PHF14: variants seen among roughly 807,000 people sequenced by gnomAD.
PHF14 encodes PHD finger protein 14.
A neutral mutation model predicts 117.9 loss-of-function variants in PHF14; 55 were observed. The observed-to-expected ratio is 0.47, with a 90% confidence interval of 0.38 to 0.58. The LOEUF is 0.58. PHF14 is among the 20% of genes least tolerant of loss of function. PHF14 has a pLI of 0.00. For synonymous variants in PHF14, 409 were observed against 368.6 expected (o/e 1.11, Z -1.26); for missense variants, 978 against 1,122.2 (o/e 0.87, Z 1.84).
intron 17 of PHF14, among the ~76,000 whole-genome samples, chr7:11,167,960 A>G (rs1789251861): frequency 6.6e-6 from 1 of 150,726 alleles, no homozygotes; most frequent in Non-Finnish European, 1.5e-5. Flanking sequence ...TGGGAGGCGG[A>G]GCTTGCAGTG....
At chr7:11,073,239 T>A (rs183304574) in intron 16 of PHF14, among the ~76,000 whole-genome samples, 3,967 of 152,280 alleles carry the variant, frequency 0.026, 133 homozygotes, top group East Asian at 0.1. Context: ...TCCTTCCATC[T>A]ATGAGCCTGT....
intron 11 of PHF14, among the ~76,000 whole-genome samples, chr7:11,039,108 T>G (rs568553743): frequency 6.6e-6 from 1 of 151,404 alleles, no homozygotes; most frequent in South Asian, 2.1e-4. Context: ...CTCTAACTGA[T>G]TGACCTGTCA....
At chr7:11,165,903 C>G (rs1298469456) in intron 17 of PHF14, among the ~76,000 whole-genome samples, 2 of 152,144 alleles carry the variant, frequency 1.3e-5, no homozygotes, top group African/African-American at 4.8e-5. Flanking sequence ...ATAACTCAGT[C>G]TCATATTGCC....
At chr7:11,106,863 T>C (rs1271953769) in intron 16 of PHF14, 1 of 983,512 alleles carries the variant, frequency 1.0e-6, no homozygotes, top group Non-Finnish European at 1.2e-6. Context: ...ATTTTCAGAG[T>C]CCAGTTTTTG....
chr7:11,165,153 G>T (rs1789165647), intron 17 of PHF14, among the ~76,000 whole-genome samples: 1 of 152,154 alleles, frequency 6.6e-6, no homozygotes, highest in Non-Finnish European at 1.5e-5. Flanking sequence ...TCGGTCTCTT[G>T]ACCTTGTGAT....
intron 17 of PHF14, among the ~76,000 whole-genome samples, chr7:11,140,088 C>G (rs1788355274): frequency 6.6e-6 from 1 of 152,090 alleles, no homozygotes; most frequent in Non-Finnish European, 1.5e-5. Context: ...ACATACACCT[C>G]TATACACATT....
chr7:11,016,015 T>C (rs184933498), intron 5 of PHF14, among the ~76,000 whole-genome samples: 6 of 152,292 alleles, frequency 3.9e-5, no homozygotes, highest in African/African-American at 4.8e-5. Context: ...TACTTCATGC[T>C]ATCATAATAG....
chr7:11,148,096 A>G (rs948507730), intron 17 of PHF14, among the ~76,000 whole-genome samples: 4 of 152,280 alleles, frequency 2.6e-5, no homozygotes, highest in African/African-American at 9.6e-5. Context: ...ACTACATTAC[A>G]GTACTCCAAG....
At chr7:11,051,551 C>G (rs896559678) in intron 13 of PHF14, 61 bp from the exon 14 acceptor site, 47 of 1,349,402 alleles carry the variant, frequency 3.5e-5, no homozygotes, top group Middle Eastern at 3.7e-4. Context: ...TTTATAAAAA[C>G]TATAGCTAAA....
chr7:11,166,096 A>G (rs1789195166), intron 17 of PHF14, among the ~76,000 whole-genome samples: 1 of 152,234 alleles, frequency 6.6e-6, no homozygotes. Context: ...GCAGATCTGC[A>G]AAGTTGTTAT....
At chr7:11,155,746 C>T (rs1193128882) in intron 17 of PHF14, among the ~76,000 whole-genome samples, 1 of 151,882 alleles carries the variant, frequency 6.6e-6, no homozygotes, top group African/African-American at 2.4e-5. Flanking sequence ...GGGACAGTGT[C>T]TGTCTTATAT....
chr7:11,031,400 A>G (rs1241280789), intron 7 of PHF14, among the ~76,000 whole-genome samples: 2 of 152,138 alleles, frequency 1.3e-5, no homozygotes, highest in African/African-American at 4.8e-5. Flanking sequence ...TTATGACACA[A>G]CATGCTTTAT....
intron 5 of PHF14, among the ~76,000 whole-genome samples, chr7:11,020,698 T>G (rs547562126): frequency 4.6e-5 from 7 of 151,906 alleles, no homozygotes; most frequent in Non-Finnish European, 1.0e-4. Flanking sequence ...TTTTTTTTTC[T>G]TTAAAATTCT....
intron 17 of PHF14, among the ~76,000 whole-genome samples, chr7:11,147,099 C>T (rs374147032): frequency 8.5e-5 from 13 of 152,148 alleles, no homozygotes; most frequent in Middle Eastern, 3.2e-3. Flanking sequence ...CTGCCCACCT[C>T]GGCTTCCCAA....
At chr7:11,121,260 A>G (rs1787746339) in intron 17 of PHF14, among the ~76,000 whole-genome samples, 5 of 152,338 alleles carry the variant, frequency 3.3e-5, no homozygotes, top group South Asian at 4.1e-4. Flanking sequence ...TGAGTCTGGA[A>G]GTTAAGGTTT....
At chr7:11,011,713 T>G (rs1783363714) in intron 4 of PHF14, among the ~76,000 whole-genome samples, 1 of 152,222 alleles carries the variant, frequency 6.6e-6, no homozygotes, top group African/African-American at 2.4e-5. Context: ...ATGCTTTAGA[T>G]TGTTTCTTTG....
intron 16 of PHF14, chr7:11,104,100 G>A (rs1431319532): frequency 1.4e-5 from 14 of 984,530 alleles, no homozygotes; most frequent in East Asian, 1.1e-4. Context: ...GAAATTACTC[G>A]CAGTTGCTTT....
At chr7:11,139,753 G>T (rs544059773) in intron 17 of PHF14, among the ~76,000 whole-genome samples, 10 of 152,134 alleles carry the variant, frequency 6.6e-5, no homozygotes, top group African/African-American at 2.4e-4. Context: ...ATATAAGACA[G>T]ATAACTTTTG....
intron 17 of PHF14, among the ~76,000 whole-genome samples, chr7:11,151,251 A>T (rs1788695100): frequency 1.3e-5 from 2 of 152,158 alleles, no homozygotes; most frequent in African/African-American, 4.8e-5. Flanking sequence ...TCTCATTTTT[A>T]TATATTTAAA....
Sources: allele counts gnomAD v4.1 joint callset (sites outside exome capture counted in the v4.1 genomes callset), GRCh38; gene constraint gnomAD v4.1.1; transcripts MANE v1.5; gene names NCBI Gene and HGNC (gene_info 2026-07-23, HGNC 2026-07-21).